Variants in KCTD1 observed in about 807,000 individuals in gnomAD.
KCTD1 encodes the protein potassium channel tetramerization domain containing 1, also known as BTB/POZ domain-containing protein KCTD1.
KCTD1 carries 24 observed loss-of-function variants against 66.0 expected under a neutral mutation model. The ratio of observed to expected loss-of-function variants is 0.36; its 90% CI spans 0.26 to 0.51. The LOEUF (loss-of-function observed/expected upper bound fraction) is 0.51, where lower values mean the gene tolerates loss of function less well. Ranked by LOEUF, KCTD1 falls within the 20% of genes least tolerant of loss-of-function variation. The pLI, the probability that KCTD1 is intolerant of heterozygous loss-of-function variation, is 0.95. For missense variants in KCTD1, 943 were observed against 1,205.2 expected (o/e 0.78, Z 3.22); for synonymous variants, 511 against 517.2 (o/e 0.99, Z 0.16).
chr18:26,642,736 C>T (rs970294915), upstream of KCTD1, among the ~76,000 whole-genome samples: 6 of 152,176 alleles, frequency 3.9e-5, no homozygotes, highest in African/African-American at 9.7e-5. Context: ...GCAGAGGTTG[C>T]GATCCCAAGA....
intron 1 of KCTD1, among the ~76,000 whole-genome samples, chr18:26,576,558 T>C (rs556239567): frequency 6.6e-6 from 1 of 152,316 alleles, no homozygotes; most frequent in East Asian, 1.9e-4. Context: ...TTTCGAACGA[T>C]TCAGAAGTAC....
intron 1 of KCTD1, among the ~76,000 whole-genome samples, chr18:26,652,254 T>A (rs569359602): frequency 5.9e-5 from 9 of 152,330 alleles, no homozygotes; most frequent in African/African-American, 2.2e-4. Context: ...ATCGTTCCCA[T>A]TTTTATAGAG....
chr18:26,508,542 T>C (rs1340511151), intron 1 of KCTD1, among the ~76,000 whole-genome samples: 1 of 152,188 alleles, frequency 6.6e-6, no homozygotes, highest in Non-Finnish European at 1.5e-5. Context: ...ATTACCTCTT[T>C]CACTGGAGAA....
At chr18:26,608,216 T>G (rs1452185736) in intron 1 of KCTD1, among the ~76,000 whole-genome samples, 1 of 152,278 alleles carries the variant, frequency 6.6e-6, no homozygotes, top group Admixed American at 6.5e-5. Flanking sequence ...ATGCATTGCT[T>G]ACTTTTAATG....
At chr18:26,616,281 T>C (rs977489232) in intron 1 of KCTD1, among the ~76,000 whole-genome samples, 2 of 151,964 alleles carry the variant, frequency 1.3e-5, no homozygotes, top group Admixed American at 1.3e-4. Flanking sequence ...TTAATCCCCA[T>C]CCTCTCCCCT....
At chr18:26,656,651 G>A (rs1988151407) in intron 1 of KCTD1, among the ~76,000 whole-genome samples, 1 of 151,186 alleles carries the variant, frequency 6.6e-6, no homozygotes, top group African/African-American at 2.4e-5. Flanking sequence ...CCGCTCGGCC[G>A]CCACAATGGC....
At chr18:26,514,500 T>C (rs1396150733) in intron 1 of KCTD1, among the ~76,000 whole-genome samples, 1 of 146,246 alleles carries the variant, frequency 6.8e-6, no homozygotes, top group African/African-American at 2.5e-5. Flanking sequence ...CAGTGAGCTA[T>C]GATCATGCCA....
Position 26,476,499 on chromosome 18 carries a change from A to C in KCTD1, c.2133+16T>G, listed in dbSNP as rs773469507. 5.0e-6 allele frequency: 8 copies of C among 1,597,044 alleles called. No homozygotes were observed. The South Asian group carries it at 8.1e-5, about 16-fold the overall frequency. ...CACATATTTATGCTATTGGTGATTT[A>C]ACATGGATCCCTCACCTTGAAATCA... On this transcript the variant is annotated intron_variant, in intron 3 of 4. Transcript: ENST00000580059. This position sits in a 1 kb window ranked among gnomAD's most constrained non-coding sequence, Gnocchi z 4.9.
intron 1 of KCTD1, among the ~76,000 whole-genome samples, chr18:26,596,942 C>T (rs1045532123): frequency 6.6e-6 from 1 of 152,102 alleles, no homozygotes; most frequent in African/African-American, 2.4e-5. Context: ...TCCTCTTTCC[C>T]ATCCACTTTC....
intron 1 of KCTD1, among the ~76,000 whole-genome samples, chr18:26,636,497 G>C (rs908011182): frequency 2.6e-5 from 4 of 152,192 alleles, no homozygotes; most frequent in African/African-American, 9.7e-5. Flanking sequence ...CATCACACCA[G>C]GGTGCCCTGA....
chr18:26,491,233 G>A (rs907095046), intron 2 of KCTD1, among the ~76,000 whole-genome samples: 5 of 152,086 alleles, frequency 3.3e-5, no homozygotes, highest in African/African-American at 1.2e-4. Context: ...AAGAAAGGAG[G>A]GCACAGCAGG....
intron 1 of KCTD1, among the ~76,000 whole-genome samples, chr18:26,623,205 G>A (rs1987427279): frequency 6.6e-6 from 1 of 152,100 alleles, no homozygotes; most frequent in South Asian, 2.1e-4. Flanking sequence ...GCAAACTGCT[G>A]CCAACTGATG....
chr18:26,580,651 G>T (rs1986330975), intron 1 of KCTD1, among the ~76,000 whole-genome samples: 2 of 152,144 alleles, frequency 1.3e-5, no homozygotes, highest in South Asian at 4.1e-4. Flanking sequence ...CACTGGGGAG[G>T]GAGTGTGGCA....
intron 1 of KCTD1, chr18:26,544,734 C>G (rs1034685393): frequency 1.3e-5 from 2 of 152,212 alleles, no homozygotes; most frequent in African/African-American, 4.8e-5. Context: ...AAAAAGTTTG[C>G]TCTCAGCTTT....
chr18:26,502,559 A>G (rs902324257), intron 1 of KCTD1, among the ~76,000 whole-genome samples: 1 of 152,226 alleles, frequency 6.6e-6, no homozygotes, highest in Non-Finnish European at 1.5e-5. Context: ...AATATTTCAA[A>G]TGCTATCAAA....
chr18:26,617,243 C>T (rs1020085160), intron 1 of KCTD1, among the ~76,000 whole-genome samples: 9 of 152,160 alleles, frequency 5.9e-5, no homozygotes, highest in Non-Finnish European at 1.3e-4. Context: ...AAAAACACTG[C>T]TCAAAAAACA....
chr18:26,640,972 G>A (rs962060140), upstream of KCTD1, among the ~76,000 whole-genome samples: 1 of 152,162 alleles, frequency 6.6e-6, no homozygotes, highest in Non-Finnish European at 1.5e-5. Flanking sequence ...GATCCCAGAA[G>A]CAGGGTGGAT....
intron 1 of KCTD1, among the ~76,000 whole-genome samples, chr18:26,570,191 A>AAAATATATATAT (rs776923644): frequency 9.8e-5 from 13 of 132,540 alleles, no homozygotes; most frequent in Admixed American, 4.8e-4. Context: ...ATCTAAAAAA[A>AAAATATATATAT]ATATATATAT....
In KCTD1 at chr18:26,651,728, G is replaced by A. The variant is rs531929656; in HGVS notation, c.9+5632C>T. On this transcript the variant is annotated intron_variant, in intron 1 of 4. Transcript: ENST00000580191. ...GAGCCTAGGAGGGGGAGGTTGCAGT[G>A]AGCCGAGATCGAGCCACTGTACTCC... Among the ~76,000 whole-genome samples, 8 of 146,942 alleles carry A rather than the reference G, an allele frequency of 5.4e-5. No homozygotes were observed. In the East Asian group the frequency reaches 1.0e-3, roughly 18 times the overall value.
Sources: allele counts gnomAD v4.1 joint callset (sites outside exome capture counted in the v4.1 genomes callset), GRCh38; gene constraint gnomAD v4.1.1; non-coding constraint Gnocchi (gnomAD v3.1); transcripts MANE v1.5; gene names NCBI Gene and HGNC (gene_info 2026-07-23, HGNC 2026-07-21).